Variants in XIST observed in about 807,000 individuals in gnomAD.
The protein encoded by XIST is X inactive specific transcript (non-protein coding).
exon 1 of XIST, chrX:73,851,572 A>C (rs768002244): frequency 1.8e-6 from 1 of 557,372 alleles, no homozygotes; most frequent in East Asian, 3.3e-5. Context: ...TAAGCCCTGC[A>C]CCTTAGTCTT....
chrX:73,848,369 A>G (rs772851320), exon 1 of XIST: 2 of 556,039 alleles, frequency 3.6e-6, no homozygotes, highest in South Asian at 4.5e-5. Flanking sequence ...AGGGACCTTG[A>G]TATAAAAGAC....
At chrX:73,843,352 C>T (rs375872813) in exon 1 of XIST, 25 of 556,774 alleles carry the variant, frequency 4.5e-5, no homozygotes, top group Non-Finnish European at 6.8e-5. Flanking sequence ...ATGATCAGTG[C>T]CCTTGATAAT....
chrX:73,848,127 G>A, exon 1 of XIST: 1 of 558,805 alleles, frequency 1.8e-6, no homozygotes, highest in Non-Finnish European at 3.2e-6. Flanking sequence ...ACCCTCTACT[G>A]TAATGCTAAG....
At chrX:73,824,839 T>C in exon 6 of XIST, 1 of 558,370 alleles carries the variant, frequency 1.8e-6, no homozygotes, top group Non-Finnish European at 3.2e-6. Context: ...GTCTTGATTG[T>C]TTAAAATTAA....
At chrX:73,849,931 G>A in exon 1 of XIST, 1 of 550,060 alleles carries the variant, frequency 1.8e-6, no homozygotes, top group Middle Eastern at 3.2e-4. Flanking sequence ...TTTGCTGGGA[G>A]CAGGGCTGGG....
exon 4 of XIST, chrX:73,831,216 G>C: frequency 1.8e-6 from 1 of 553,152 alleles, no homozygotes; most frequent in Non-Finnish European, 3.3e-6. Context: ...CCTAGGGATC[G>C]TCAAAGGGAA....
intron 3 of XIST, chrX:73,831,442 A>G (rs1922378120): frequency 3.0e-6 from 1 of 334,973 alleles, no homozygotes; most frequent in East Asian, 4.3e-5. Context: ...CTACCAACTT[A>G]GCAAAAAAAA....
exon 6 of XIST, chrX:73,822,800 T>C (rs1922154278): frequency 5.4e-6 from 3 of 554,835 alleles, no homozygotes; most frequent in South Asian, 4.6e-5. Flanking sequence ...TAAAAAGCCC[T>C]CTCTTATTCC....
chrX:73,823,965 T>TATA (rs1214623643), exon 6 of XIST: 1 of 553,762 alleles, frequency 1.8e-6, no homozygotes. Context: ...TTCCTATCTG[T>TATA]ATAGAACTGT....
exon 1 of XIST, chrX:73,848,914 G>C (rs765320363): frequency 3.6e-6 from 2 of 555,198 alleles, no homozygotes; most frequent in Non-Finnish European, 6.5e-6. Flanking sequence ...ATACACATAA[G>C]TGGGTCTTCT....
chrX:73,849,715 T>C (rs753793165), exon 1 of XIST: 7 of 554,080 alleles, frequency 1.3e-5, no homozygotes, highest in Non-Finnish European at 2.3e-5. Flanking sequence ...ATGCCAAGGG[T>C]AAACGGAATA....
At chrX:73,845,102 G>A (rs1439863180) in exon 1 of XIST, 1 of 555,545 alleles carries the variant, frequency 1.8e-6, no homozygotes, top group Non-Finnish European at 3.2e-6. Context: ...GCCATGTGCA[G>A]TTACACACAT....
chrX:73,829,255 C>T (rs1218284553), intron 4 of XIST: 2 of 543,219 alleles, frequency 3.7e-6, no homozygotes, highest in Non-Finnish European at 6.6e-6. Flanking sequence ...TGAGATAAAC[C>T]ATGTAAATGC....
chrX:73,843,811 T>A (rs756155100), exon 1 of XIST: 1 of 558,769 alleles, frequency 1.8e-6, no homozygotes. Context: ...CAAATGTAAT[T>A]GCACATATTA....
chrX:73,833,943 C>T (rs2147700528), intron 2 of XIST, among the ~76,000 whole-genome samples: 1 of 111,442 alleles, frequency 9.0e-6, no homozygotes, highest in Non-Finnish European at 1.9e-5. Flanking sequence ...ATGAGGAAAC[C>T]TTTATGTCAA....
chrX:73,850,816 G>A (rs1299322476), exon 1 of XIST: 3 of 514,505 alleles, frequency 5.8e-6, no homozygotes, highest in Non-Finnish European at 1.0e-5. Flanking sequence ...CAGAGGAATG[G>A]AGGGAGGTTC....
exon 1 of XIST, chrX:73,842,316 C>T (rs755286452): frequency 5.4e-6 from 3 of 554,748 alleles, no homozygotes; most frequent in Admixed American, 2.2e-5. Context: ...AAGTGCCAAC[C>T]TTCCTTCCTG....
intron 1 of XIST, among the ~76,000 whole-genome samples, chrX:73,837,855 G>A (rs966588128): frequency 1.8e-5 from 2 of 111,465 alleles, no homozygotes; most frequent in Non-Finnish European, 3.8e-5. Context: ...ATTGTTTGCA[G>A]ATCTGATCTA....
At chrX:73,830,764 A>G (rs948076476) in intron 4 of XIST, among the ~76,000 whole-genome samples, 73 of 111,907 alleles carry the variant, frequency 6.5e-4, no homozygotes, top group Non-Finnish European at 1.1e-3. Context: ...GATCAATGTC[A>G]CTGATGTGAC....
Sources: allele counts gnomAD v4.1 joint callset (sites outside exome capture counted in the v4.1 genomes callset), GRCh38; gene constraint gnomAD v4.1.1; transcripts MANE v1.5; gene names NCBI Gene and HGNC (gene_info 2026-07-23, HGNC 2026-07-21).